TLN2: variants seen among roughly 807,000 people sequenced by gnomAD.
The protein encoded by TLN2 is talin-2.
Under a neutral mutation model 294.7 loss-of-function variants are expected in TLN2, and 118 were observed. The observed-to-expected ratio is 0.40, with a 90% CI of 0.34 to 0.47. TLN2 has a LOEUF of 0.47. TLN2 is among the 20% of genes least tolerant of loss of function. The pLI is 0.84. For missense variants in TLN2, 3,083 were observed against 3,282.2 expected (o/e 0.94, Z 1.48); for synonymous variants, 1,431 against 1,304.5 (o/e 1.10, Z -2.09).
At chr15:62,770,775 T>C (rs1400910983) in intron 41 of TLN2, among the ~76,000 whole-genome samples, 189 bp from the exon 42 acceptor site, 1 of 152,162 alleles carries the variant, frequency 6.6e-6, no homozygotes. Context: ...AAGAACTCCC[T>C]GGAGAAAGTA....
chr15:62,441,429 C>T (rs994129242), intron 1 of TLN2, among the ~76,000 whole-genome samples: 1 of 152,080 alleles, frequency 6.6e-6, no homozygotes, highest in Non-Finnish European at 1.5e-5. Flanking sequence ...GTGAATCCAC[C>T]CCTGAATACA....
chr15:62,527,739 G>A (rs907233364), intron 1 of TLN2, among the ~76,000 whole-genome samples: 3 of 152,188 alleles, frequency 2.0e-5, no homozygotes, highest in African/African-American at 7.2e-5. Context: ...CTTTTAGCTG[G>A]TGGGTCTTAT....
chr15:62,697,049 A>G (rs1000257994), intron 14 of TLN2, among the ~76,000 whole-genome samples: 3 of 152,248 alleles, frequency 2.0e-5, no homozygotes, highest in Non-Finnish European at 2.9e-5. Context: ...TAATATATCA[A>G]CATATCAATA....
At chr15:62,585,215 A>G (rs1368381519) in intron 1 of TLN2, among the ~76,000 whole-genome samples, 1 of 152,216 alleles carries the variant, frequency 6.6e-6, no homozygotes, top group African/African-American at 2.4e-5. Context: ...AACGAGGAAA[A>G]CCAGTCTATA....
chr15:62,690,712 G>C (rs1185887072), intron 12 of TLN2, among the ~76,000 whole-genome samples: 5 of 149,196 alleles, frequency 3.4e-5, no homozygotes, highest in African/African-American at 5.2e-5. Context: ...CTGCACTCCA[G>C]CCTCGGCACC....
intron 25 of TLN2, among the ~76,000 whole-genome samples, chr15:62,720,251 G>A (rs545742944): frequency 5.9e-5 from 9 of 152,278 alleles, no homozygotes; most frequent in East Asian, 5.8e-4. Flanking sequence ...TTCATGGACC[G>A]GGAAAAGAAA....
At chr15:62,718,948 G>T (rs1567446737) in intron 24 of TLN2, among the ~76,000 whole-genome samples, 1 of 152,128 alleles carries the variant, frequency 6.6e-6, no homozygotes, top group Non-Finnish European at 1.5e-5. Flanking sequence ...CCTAAAGGGG[G>T]CCTGGGAAAA....
chr15:62,711,206 T>A (rs1317295540), intron 21 of TLN2, among the ~76,000 whole-genome samples: 1 of 152,216 alleles, frequency 6.6e-6, no homozygotes, highest in Admixed American at 6.5e-5. Flanking sequence ...ATCGTTCTAT[T>A]TTTTAATGTT....
intron 1 of TLN2, among the ~76,000 whole-genome samples, chr15:62,458,237 C>CT (rs532671801): frequency 2.4e-4 from 36 of 152,204 alleles, no homozygotes; most frequent in Non-Finnish European, 4.4e-4. Flanking sequence ...GTGCCCAGGC[C>CT]TTTTTTCCAG....
At chr15:62,712,713 C>G (rs1305789884) in intron 22 of TLN2, among the ~76,000 whole-genome samples, 1 of 151,644 alleles carries the variant, frequency 6.6e-6, no homozygotes, top group Non-Finnish European at 1.5e-5. Context: ...CACAAGGTCA[C>G]TGGTAGGACT....
intron 1 of TLN2, among the ~76,000 whole-genome samples, chr15:62,485,389 T>C (rs2038334548): frequency 6.6e-6 from 1 of 152,182 alleles, no homozygotes; most frequent in Non-Finnish European, 1.5e-5. Context: ...CCCTTTCCTT[T>C]CTGCTGTTTG....
At chr15:62,427,116 G>A (rs545261086) in intron 1 of TLN2, among the ~76,000 whole-genome samples, 1 of 152,166 alleles carries the variant, frequency 6.6e-6, no homozygotes, top group African/African-American at 2.4e-5. Context: ...ATTGGCCTGG[G>A]TACTTCAGTG....
At chr15:62,437,962 A>T (rs563215949) in intron 1 of TLN2, among the ~76,000 whole-genome samples, 17 of 152,302 alleles carry the variant, frequency 1.1e-4, no homozygotes, top group Admixed American at 1.1e-3. Context: ...AGCACCACAC[A>T]TCTATGGACC....
In TLN2 at chr15:62,708,625, C is replaced by T. The variant is rs781749829; in HGVS notation, c.2296C>T (p.Leu766Phe). 2.5e-6 allele frequency: 4 copies of T among 1,614,248 alleles called. No homozygotes were observed. In the South Asian group the frequency reaches 4.4e-5, roughly 18 times the overall value. The change falls in exon 21 of 59, where the codon CTC becomes TTC. Residue 766 changes from leucine (L) to phenylalanine (F), a missense_variant. Transcript: ENST00000636159. ...CCAGGCGGCCACTACCGATAGTGAG[C>T]TCCTGAAGCAGGTCAGCGCAGCGGC... ...ACQAATTDSE[L>F]LKQVSAAASV... is the part of the protein sequence containing the mutation.
rs974719128 is a variant in TLN2, at chr15:62,458,143, G to A, written c.-238+67458G>A. 4.6e-5 allele frequency among the ~76,000 whole-genome samples: 7 copies of A among 152,044 alleles called. No homozygotes were observed. In the South Asian group the frequency reaches 8.3e-4, roughly 18 times the overall value. On this transcript the variant is annotated intron_variant, in intron 1 of 58. Transcript: ENST00000636159. ...GCCTTTATTGCTGGTGGCTCTCAGC[G>A]CCACCTCTGCAGTGGTGTGGGCATC...
chr15:62,409,158 T>G (rs2033614704), intron 1 of TLN2, among the ~76,000 whole-genome samples: 1 of 150,398 alleles, frequency 6.6e-6, no homozygotes, highest in Non-Finnish European at 1.5e-5. Context: ...GATTTTTTTT[T>G]GTAGAGACTG....
intron 54 of TLN2, among the ~76,000 whole-genome samples, chr15:62,827,339 T>G (rs537709129): frequency 1.1e-4 from 16 of 151,940 alleles, no homozygotes; most frequent in African/African-American, 3.1e-4. Context: ...GAGGAGGAGG[T>G]CAAGAGAAAT....
At chr15:62,502,037 G>A (rs1194994491) in intron 1 of TLN2, among the ~76,000 whole-genome samples, 4 of 152,122 alleles carry the variant, frequency 2.6e-5, no homozygotes, top group Non-Finnish European at 5.9e-5. Context: ...TTTGTCCTAA[G>A]CCTATGATGG....
intron 2 of TLN2, among the ~76,000 whole-genome samples, chr15:62,614,485 T>A (rs1469288901): frequency 6.6e-6 from 1 of 152,072 alleles, no homozygotes; most frequent in African/African-American, 2.4e-5. Flanking sequence ...GGCCCTCTAC[T>A]CCTTTAAAAA....
Sources: gnomAD v4.1 joint callset for allele counts (sites outside exome capture counted in the v4.1 genomes callset) on GRCh38, gnomAD v4.1.1 for gene constraint, MANE v1.5 for transcripts, NCBI Gene and HGNC (gene_info 2026-07-23, HGNC 2026-07-21) for gene names.